Variants in PKP2 observed in about 807,000 individuals in gnomAD.
PKP2 encodes plakophilin 2, also known as plakophilin-2.
In PKP2, 73 loss-of-function variants were observed where a neutral mutation model predicts 83.4. The ratio of observed to expected loss-of-function variants is 0.88; its 90% CI spans 0.72 to 1.06. The LOEUF (loss-of-function observed/expected upper bound fraction) is 1.06, where lower values mean the gene tolerates loss of function less well. PKP2 is among the 50% of genes least tolerant of loss of function. The pLI is 0.00. For synonymous variants in PKP2, 409 were observed against 430.4 expected (o/e 0.95, Z 0.62); for missense variants, 966 against 1,065.4 (o/e 0.91, Z 1.30).
intron 10 of PKP2, among the ~76,000 whole-genome samples, chr12:32,798,076 C>T (rs1956144939): frequency 1.6e-5 from 2 of 127,966 alleles, no homozygotes; most frequent in Non-Finnish European, 3.2e-5. Context: ...ATAAGTAATA[C>T]TACTCTTGTT....
intron 4 of PKP2, among the ~76,000 whole-genome samples, chr12:32,853,394 G>GAAAAAAA (rs79409951): frequency 1.1e-5 from 1 of 87,896 alleles, no homozygotes; most frequent in Non-Finnish European, 2.6e-5. Context: ...TTCCTTAAAC[G>GAAAAAAA]AAAAAAAAAA....
At chr12:32,821,253 A>T in intron 9 of PKP2, 103 bp downstream of exon 9, 1 of 1,095,620 alleles carries the variant, frequency 9.1e-7, no homozygotes, top group Non-Finnish European at 1.4e-6. Context: ...TACTAAAATA[A>T]GAAACCTTTT....
At position 32,821,374 on chromosome 12, in the gene PKP2, G is replaced by A; in HGVS notation, c.1995C>T (p.Leu665=). The A allele has an allele frequency of 6.2e-7, 1 of 1,614,136 alleles. No individual in the cohort carries two copies. Among genetic ancestry groups the A allele is most frequent in the Non-Finnish European group, 8.5e-7 (1 of 1,180,014 alleles). The part of the protein sequence containing the change: ...QEASLGALQN[L]TAGSGPMPTS... ...TACTCACTGGTCCACTTCCGGCCGT[G>A]AGGTTCTGCAGAGCTCCTAAGGATG... Residue 665 remains leucine, a synonymous_variant, in exon 9 of 13, where the codon CTC becomes CTT. Coordinates refer to ENST00000340811, the MANE Select transcript of PKP2 (RefSeq NM_001005242.3).
At chr12:32,819,345 ATAAAG>A (rs200903301) in intron 9 of PKP2, among the ~76,000 whole-genome samples, 2,563 of 151,610 alleles carry the variant, frequency 0.017, 69 homozygotes, top group African/African-American at 0.059. Context: ...ATAAAATAAA[ATAAAG>A]GGGCTTCATA....
At chr12:32,876,088 C>T (rs1047618639) in intron 3 of PKP2, among the ~76,000 whole-genome samples, 4 of 152,106 alleles carry the variant, frequency 2.6e-5, no homozygotes, top group African/African-American at 9.7e-5. Flanking sequence ...GAGTGGAAAA[C>T]CAGGGGAAGC....
intron 4 of PKP2, among the ~76,000 whole-genome samples, chr12:32,856,380 G>A (rs1348504251): frequency 6.6e-6 from 1 of 152,210 alleles, no homozygotes; most frequent in African/African-American, 2.4e-5. Context: ...TGGATTAACA[G>A]AAGATGGTGC....
intron 6 of PKP2, among the ~76,000 whole-genome samples, chr12:32,834,223 A>C (rs892776953): frequency 2.6e-4 from 40 of 152,326 alleles, no homozygotes; most frequent in African/African-American, 9.4e-4. Flanking sequence ...GAGTTCCTCC[A>C]GGGCAAAAAT....
chr12:32,865,619 G>A (rs1333031057), intron 4 of PKP2, among the ~76,000 whole-genome samples: 1 of 147,290 alleles, frequency 6.8e-6, no homozygotes, highest in South Asian at 2.1e-4. Context: ...CCGGGAGGCA[G>A]AGGCTGCAGT....
chr12:32,859,096 G>T (rs1204949172), intron 4 of PKP2, among the ~76,000 whole-genome samples: 2 of 152,198 alleles, frequency 1.3e-5, no homozygotes, highest in Non-Finnish European at 2.9e-5. Context: ...GCTTCCCAGG[G>T]TATTTATGTC....
intron 6 of PKP2, among the ~76,000 whole-genome samples, chr12:32,834,961 G>A (rs1262445166): frequency 3.1e-5 from 4 of 129,118 alleles, no homozygotes; most frequent in African/African-American, 1.2e-4. Flanking sequence ...AAAAAAAAAA[G>A]GGACTCACAA....
chr12:32,861,552 AG>A (rs1956797829), intron 4 of PKP2, among the ~76,000 whole-genome samples: 1 of 152,220 alleles, frequency 6.6e-6, no homozygotes, highest in Non-Finnish European at 1.5e-5. Context: ...AAAAACACAG[AG>A]AAAGAAGACT....
intron 9 of PKP2, among the ~76,000 whole-genome samples, chr12:32,811,138 G>C (rs1390329088): frequency 6.6e-6 from 1 of 152,204 alleles, no homozygotes; most frequent in Non-Finnish European, 1.5e-5. Flanking sequence ...CAAAAAAGAT[G>C]TCCCTGGTGC....
At chr12:32,814,218 T>G (rs775156604) in intron 9 of PKP2, among the ~76,000 whole-genome samples, 13 of 152,214 alleles carry the variant, frequency 8.5e-5, no homozygotes, top group Non-Finnish European at 1.8e-4. Flanking sequence ...TCACAAGGCC[T>G]ATTATTCTTT....
rs193922673 is a variant in PKP2, at chr12:32,821,473, C to T, written c.1896G>A (p.Trp632Ter). 6.2e-7 allele frequency: 1 copy of T among 1,614,010 alleles called. No individual in the cohort carries two copies. The highest frequency in any genetic ancestry group is 1.3e-5 in the African/African-American group (1 of 75,014). ...TCCTTATAACAATGGAATGCCACAG[C>T]CACTCCACGCCCTTGGGGTTGCTCT... ...EEKSNPKGVE[W>*]LWHSIVIRMY... The change falls in exon 9 of 13, where the codon TGG becomes TGA. Residue 632 changes from tryptophan to a stop codon, truncating the protein, a stop_gained. Coordinates refer to ENST00000340811, the MANE Select transcript of PKP2 (RefSeq NM_001005242.3). LOFTEE classifies it high-confidence loss of function.
intron 4 of PKP2, among the ~76,000 whole-genome samples, chr12:32,864,580 A>G (rs981203580): frequency 2.0e-5 from 3 of 152,154 alleles, no homozygotes; most frequent in Admixed American, 6.5e-5. Flanking sequence ...ACAAGACTCA[A>G]TATTGTTAAG....
At chr12:32,829,515 C>T (rs1451195537) in intron 6 of PKP2, among the ~76,000 whole-genome samples, 1 of 152,078 alleles carries the variant, frequency 6.6e-6, no homozygotes, top group Non-Finnish European at 1.5e-5. Context: ...GCTGGGATTA[C>T]AGACGTGAGC....
intron 4 of PKP2, among the ~76,000 whole-genome samples, 174 bp from the exon 5 acceptor site, chr12:32,851,147 T>C (rs1327079408): frequency 6.6e-6 from 1 of 152,208 alleles, no homozygotes; most frequent in Non-Finnish European, 1.5e-5. Flanking sequence ...TAAGGCAGTA[T>C]CTGTCATCAA....
intron 7 of PKP2, among the ~76,000 whole-genome samples, chr12:32,823,610 CTTTTTTTTTT>C (rs11355324): frequency 7.2e-6 from 1 of 138,994 alleles, no homozygotes; most frequent in Non-Finnish European, 1.6e-5. Context: ...TTTAATATTT[CTTTTTTTTTT>C]TTTTGAGACA....
At position 32,851,321 on chromosome 12, in the gene PKP2, G is replaced by T. The variant is rs138425594; in HGVS notation, c.1171-348C>A. Among the ~76,000 whole-genome samples the T allele has an allele frequency of 1.8e-3, 267 of 152,248 alleles. 3 individuals are homozygous for T. Among genetic ancestry groups the T allele is most frequent in the African/African-American group, 6.0e-3 (251 of 41,544 alleles). ...GAATTGGGAATCTAGGCAGTAAGGA[G>T]AGTTTTTTTTATTAAATAATCCAAA... On this transcript the variant is annotated intron_variant, in intron 4 of 12. Transcript: ENST00000340811.
Sources: gnomAD v4.1 joint callset for allele counts (sites outside exome capture counted in the v4.1 genomes callset) on GRCh38, gnomAD v4.1.1 for gene constraint, MANE v1.5 for transcripts, NCBI Gene and HGNC (gene_info 2026-07-23, HGNC 2026-07-21) for gene names.